PCDH11X: variants seen among roughly 807,000 people sequenced by gnomAD.
PCDH11X encodes the protein protocadherin-11 X-linked.
A neutral mutation model predicts 53.3 loss-of-function variants in PCDH11X; 18 were observed. The observed-to-expected ratio is 0.34, with a 90% CI of 0.23 to 0.50. The LOEUF is 0.50. PCDH11X is among the 20% of genes least tolerant of loss of function. The pLI is 0.98. For missense variants in PCDH11X, 570 were observed against 1,032.4 expected (o/e 0.55, Z 6.14); for synonymous variants, 279 against 393.3 (o/e 0.71, Z 3.44).
intron 6 of PCDH11X, among the ~76,000 whole-genome samples, chrX:92,147,810 CCTTTCTTTCTTT>C (rs760395247): frequency 3.4e-4 from 24 of 70,205 alleles, no homozygotes; most frequent in Non-Finnish European, 2.6e-4. Context: ...TTTCTTCCTT[CCTTTCTTTCTTT>C]CTTTCTTTCT....
At chrX:91,943,141 T>C (rs1429803079) in intron 6 of PCDH11X, among the ~76,000 whole-genome samples, 1 of 93,670 alleles carries the variant, frequency 1.1e-5, no homozygotes. Flanking sequence ...ACATGGAGGA[T>C]TTTCAAGGCA....
chrX:92,522,053 G>A (rs1458610464), intron 10 of PCDH11X, among the ~76,000 whole-genome samples: 1 of 112,105 alleles, frequency 8.9e-6, no homozygotes, highest in African/African-American at 3.2e-5. Flanking sequence ...TAATTAATGT[G>A]TTAACTGGAA....
intron 10 of PCDH11X, among the ~76,000 whole-genome samples, chrX:92,610,358 A>AT (rs774394047): frequency 9.2e-6 from 1 of 108,940 alleles, no homozygotes; most frequent in African/African-American, 3.3e-5. Context: ...ATGATGAGGA[A>AT]TTTTTTTTAT....
At chrX:92,109,814 T>C (rs1405112617) in intron 6 of PCDH11X, among the ~76,000 whole-genome samples, 5 of 112,436 alleles carry the variant, frequency 4.4e-5, no homozygotes, top group African/African-American at 1.6e-4. Context: ...CAAGGTTAGT[T>C]TGGCCTATGC....
rs905976676 is a variant in PCDH11X at position 91,941,996 on chromosome X, G to A, written c.3033+62723G>A. On this transcript the variant is annotated intron_variant, in intron 6 of 10. Transcript: ENST00000682573. Reference sequence around the variant, plus strand: ...AAACATTTTGAACTGAATGGAAATGGAAAAATCAATTTGTCAGAATTTCCG... The same window carrying A: ...AAACATTTTGAACTGAATGGAAATGAAAAAATCAATTTGTCAGAATTTCCG... 4.7e-4 allele frequency among the ~76,000 whole-genome samples: 52 copies of A among 109,992 alleles called. 1 individual carries two copies. Among genetic ancestry groups the A allele is most frequent in the African/African-American group, 1.6e-3 (50 of 30,424 alleles).
chrX:92,141,312 G>A (rs1392421137), intron 6 of PCDH11X, among the ~76,000 whole-genome samples: 3 of 111,378 alleles, frequency 2.7e-5, no homozygotes, highest in Non-Finnish European at 5.7e-5. Context: ...TTGCAAATTA[G>A]TATTTCATTA....
In PCDH11X at chrX:91,927,493, G is replaced by A. The variant is rs1182673103; in HGVS notation, c.3033+48220G>A. Among the ~76,000 whole-genome samples the A allele has an allele frequency of 1.3e-4, 14 of 110,776 alleles. No individual in the cohort carries two copies. The Admixed American group carries it at 1.4e-3, about 11-fold the overall frequency. On this transcript the variant is annotated intron_variant, in intron 6 of 10. Coordinates refer to ENST00000682573, the MANE Select transcript of PCDH11X (RefSeq NM_032968.5). The stretch of plus-strand genomic sequence containing the variant: ...GGAATCCAGCCTTTTAGCCTTTAGA[G>A]ACCATGCTCTTGGCAATTAAACTAT...
chrX:92,088,891 G>A (rs1423773227), intron 6 of PCDH11X, among the ~76,000 whole-genome samples: 2 of 109,930 alleles, frequency 1.8e-5, no homozygotes, highest in African/African-American at 3.4e-5. Context: ...AATATTTCAC[G>A]TTGTTATACT....
rs1211717896 is a variant in PCDH11X, at chrX:92,273,579, G to T, written c.3144+10436G>T. Among the ~76,000 whole-genome samples, 6 of 110,278 alleles carry T rather than the reference G, an allele frequency of 5.4e-5. No homozygotes were observed. In the Admixed American group the frequency reaches 5.8e-4, roughly 11 times the overall value. On this transcript the variant is annotated intron_variant, in intron 8 of 10. Transcript: ENST00000682573. ...AAGTGTTGGGGCGGTGAAAATTTTTGGGGGTGGTATGGAGAGAGAGTGGAC... is the reference window on the plus strand; with the variant it reads ...AAGTGTTGGGGCGGTGAAAATTTTTTGGGGTGGTATGGAGAGAGAGTGGAC...
intron 8 of PCDH11X, among the ~76,000 whole-genome samples, chrX:92,362,076 T>C (rs1311222614): frequency 9.1e-6 from 1 of 109,828 alleles, no homozygotes; most frequent in Admixed American, 9.8e-5. Context: ...TTACCTTTTG[T>C]CTACTCTGAA....
At chrX:91,785,333 C>T (rs1325814991) in intron 1 of PCDH11X, among the ~76,000 whole-genome samples, 15 of 107,867 alleles carry the variant, frequency 1.4e-4, no homozygotes, top group African/African-American at 5.1e-4. Context: ...ATTTTAAAGC[C>T]TGTGTCAACG....
chrX:91,794,182 G>A (rs1935653869), intron 1 of PCDH11X, among the ~76,000 whole-genome samples: 1 of 112,126 alleles, frequency 8.9e-6, no homozygotes, highest in African/African-American at 3.2e-5. Flanking sequence ...CTTGAAAGAA[G>A]CCTTTACATA....
rs146776360 is a variant in PCDH11X, at chrX:92,481,703, G to C, written c.3367+13381G>C. Among the ~76,000 whole-genome samples the C allele has an allele frequency of 3.1e-3, 342 of 111,782 alleles. 3 individuals are homozygous for C. Among genetic ancestry groups the C allele is most frequent in the African/African-American group, 0.011 (330 of 30,776 alleles). On this transcript the variant is annotated intron_variant, in intron 10 of 10. Coordinates refer to ENST00000682573, the MANE Select transcript of PCDH11X (RefSeq NM_032968.5). ...TCCTATTAGAGCAAGTCAAGCCTGG[G>C]GGGTGAGAGTCCCTGACCATGCTCT...
In PCDH11X at chrX:92,618,353, T is replaced by A; in HGVS notation, c.3457T>A (p.Trp1153Arg). 1 of 1,211,892 alleles carries A rather than the reference T, an allele frequency of 8.3e-7. No homozygotes were observed. Among genetic ancestry groups the A allele is most frequent in the East Asian group, 3.0e-5 (1 of 33,854 alleles). The change falls in exon 11 of 11, where the codon TGG becomes AGG. Residue 1153 changes from tryptophan to arginine, a missense_variant. By Grantham distance (101) the Trp-to-Arg change is moderately radical. Coordinates refer to ENST00000682573, the MANE Select transcript of PCDH11X (RefSeq NM_032968.5). ...CATCTATGGCCATTCTGATGCCTGC[T>A]GGATGCCGGCATCTCTGGATCATTC... is the stretch of plus-strand genomic sequence containing the variant. ...CLIYGHSDAC[W>R]MPASLDHSSS...
chrX:92,586,529 A>G (rs1487243346), intron 10 of PCDH11X, among the ~76,000 whole-genome samples: 65 of 103,997 alleles, frequency 6.3e-4, no homozygotes, highest in African/African-American at 2.1e-3. Flanking sequence ...CCTATAAAGT[A>G]GCAACATTTA....
At chrX:92,102,174 A>T (rs1176190636) in intron 6 of PCDH11X, among the ~76,000 whole-genome samples, 23 of 111,534 alleles carry the variant, frequency 2.1e-4, no homozygotes, top group African/African-American at 7.2e-4. Context: ...CTTAAGAAAG[A>T]GTGAGTACAG....
intron 6 of PCDH11X, among the ~76,000 whole-genome samples, chrX:91,888,250 A>G (rs1219736234): frequency 4.5e-5 from 5 of 112,142 alleles, no homozygotes; most frequent in African/African-American, 1.6e-4. Flanking sequence ...TAGATTTTCT[A>G]GAAATATTTG....
chrX:92,005,313 C>G (rs1216525820), intron 6 of PCDH11X, among the ~76,000 whole-genome samples: 1 of 110,735 alleles, frequency 9.0e-6, no homozygotes, highest in Non-Finnish European at 1.9e-5. Context: ...GTTATTTTCT[C>G]TGGTGATATG....
At chrX:91,924,806 T>C (rs2147826462) in intron 6 of PCDH11X, among the ~76,000 whole-genome samples, 1 of 111,477 alleles carries the variant, frequency 9.0e-6, no homozygotes, top group African/African-American at 3.3e-5. Context: ...CATCAGTAAT[T>C]GTGTATGTGT....
Sources: allele counts gnomAD v4.1 joint callset (sites outside exome capture counted in the v4.1 genomes callset), GRCh38; gene constraint gnomAD v4.1.1; transcripts MANE v1.5; gene names NCBI Gene and HGNC (gene_info 2026-07-23, HGNC 2026-07-21).